Variants in SHISA9 observed in about 807,000 individuals in gnomAD.
SHISA9 encodes the protein shisa family member 9.
In SHISA9, 13 loss-of-function variants were observed where a neutral mutation model predicts 38.0. That is an observed-to-expected ratio of 0.34 (90% CI 0.22 to 0.54). SHISA9 has a LOEUF of 0.54. SHISA9 is among the 20% of genes least tolerant of loss of function. The probability of loss-of-function intolerance (pLI) is 0.91; values close to 1 mark genes in which losing one functional copy is unlikely to be tolerated. For missense variants in SHISA9, 538 were observed against 575.8 expected, an observed-to-expected ratio of 0.93 and a Z score of 0.67; for synonymous variants, 275 against 242.0, an observed-to-expected ratio of 1.14 and a Z score of -1.27.
chr16:13,347,220 G>C, the SHISA9 span, among the ~76,000 whole-genome samples: 1 of 152,100 alleles, frequency 6.6e-6, no homozygotes, highest in Non-Finnish European at 1.5e-5. Context: ...TTGAGCACGG[G>C]GTCAGGTATA....
chr16:13,027,466 T>C (rs190182718), intron 2 of SHISA9, among the ~76,000 whole-genome samples: 3 of 152,216 alleles, frequency 2.0e-5, no homozygotes. Context: ...GAATTGAAAA[T>C]TATGTCCACA....
intron 2 of SHISA9, among the ~76,000 whole-genome samples, chr16:13,200,883 C>T (rs1220296763): frequency 7.4e-6 from 1 of 135,470 alleles, no homozygotes; most frequent in African/African-American, 2.9e-5. Flanking sequence ...GTATCTCTGC[C>T]TGTTTCCATT....
At chr16:13,114,098 C>G (rs181738175) in intron 2 of SHISA9, among the ~76,000 whole-genome samples, 1 of 152,262 alleles carries the variant, frequency 6.6e-6, no homozygotes, top group Admixed American at 6.5e-5. Context: ...TTAGCAAACT[C>G]ACAATATTGA....
chr16:12,911,161 T>C (rs1287642354), intron 1 of SHISA9: 2 of 710,240 alleles, frequency 2.8e-6, no homozygotes, highest in Non-Finnish European at 3.5e-6. Context: ...AGCATTTTTA[T>C]CTTCTGGGAG....
intron 4 of SHISA9, among the ~76,000 whole-genome samples, chr16:13,218,507 G>A (rs1008503251): frequency 1.6e-4 from 24 of 152,270 alleles, no homozygotes; most frequent in African/African-American, 5.1e-4. Context: ...ACAGCTGGAC[G>A]GTAACAGCAT....
intron 2 of SHISA9, among the ~76,000 whole-genome samples, chr16:13,036,369 A>G (rs565710287): frequency 6.6e-6 from 1 of 152,380 alleles, no homozygotes; most frequent in South Asian, 2.1e-4. Flanking sequence ...GAAGGCAGAT[A>G]TAAAATAGTT....
At chr16:13,295,627 G>T in the SHISA9 span, among the ~76,000 whole-genome samples, 1 of 152,122 alleles carries the variant, frequency 6.6e-6, no homozygotes, top group Non-Finnish European at 1.5e-5. Context: ...TTTCACCTCG[G>T]GGGGTTCAAT....
intron 2 of SHISA9, among the ~76,000 whole-genome samples, chr16:13,049,202 G>GTA (rs1370037641): frequency 7.0e-6 from 1 of 141,940 alleles, no homozygotes. Flanking sequence ...GTGTGTGTGT[G>GTA]TGTATGTGTA....
At chr16:13,555,070 A>T in the SHISA9 span, among the ~76,000 whole-genome samples, 1 of 152,358 alleles carries the variant, frequency 6.6e-6, no homozygotes, top group East Asian at 1.9e-4. Context: ...TTTCTGGTAT[A>T]TAATTAGTAT....
chr16:13,066,189 C>T (rs906966701), intron 2 of SHISA9, among the ~76,000 whole-genome samples: 1 of 152,148 alleles, frequency 6.6e-6, no homozygotes, highest in African/African-American at 2.4e-5. Context: ...GCACTTTTCT[C>T]GGCCTGGGTC....
intron 2 of SHISA9, among the ~76,000 whole-genome samples, chr16:12,969,669 C>T (rs1177371656): frequency 1.3e-5 from 2 of 152,126 alleles, no homozygotes; most frequent in Non-Finnish European, 2.9e-5. Context: ...ATTGCTTGAA[C>T]CCGGGAGGCG....
the SHISA9 span, among the ~76,000 whole-genome samples, chr16:13,353,194 G>C: frequency 6.6e-6 from 1 of 152,282 alleles, no homozygotes; most frequent in East Asian, 1.9e-4. Context: ...AGGAGATCTT[G>C]TGGTAAGGGG....
At chr16:13,135,848 C>A (rs571116972) in intron 2 of SHISA9, among the ~76,000 whole-genome samples, 43 of 152,136 alleles carry the variant, frequency 2.8e-4, no homozygotes, top group Non-Finnish European at 4.7e-4. Context: ...TTTCATCTGG[C>A]AAAAACACCA....
At position 12,905,229 on chromosome 16, in the gene SHISA9, T is replaced by C. The variant is rs1456768722; in HGVS notation, c.563+2602T>C. Among the ~76,000 whole-genome samples, 5 of 152,098 alleles carry C rather than the reference T, an allele frequency of 3.3e-5. No homozygotes were observed. The East Asian group carries it at 9.6e-4, about 29-fold the overall frequency. On this transcript the variant is annotated intron_variant, in intron 1 of 4. Transcript: ENST00000558583. ...TAATATTCACATACATGCAAGAAAA[T>C]CATGGCTCAGGTGAGGTGCTGTGTC...
At position 12,970,418 on chromosome 16, in the gene SHISA9, C is replaced by CACATATATATAT. The variant is rs2072054428; in HGVS notation, c.691+53611_691+53612insATATACATATAT. Among the ~76,000 whole-genome samples, 2 of 9,586 alleles carry CACATATATATAT rather than the reference C, an allele frequency of 2.1e-4. 1 individual carries two copies. The highest frequency in any genetic ancestry group is 4.3e-4 in the Non-Finnish European group (2 of 4,644). The allele number at this position is 9,586 out of a possible 152,430, so 6.3% of individuals were successfully genotyped here. A position where few individuals can be genotyped will look rare whatever the true frequency, so the allele number is the denominator to read the frequency against. On this transcript the variant is annotated intron_variant, in intron 2 of 4. Coordinates refer to ENST00000558583, the MANE Select transcript of SHISA9 (RefSeq NM_001145204.3). Reference sequence around the variant, plus strand: ...ATATATATATACATATATATATATACACATATATGTATATATATATACACA... The same window carrying CACATATATATAT: ...ATATATATATACATATATATATATACACATATATATATACATATATGTATATATATATACACA...
intron 2 of SHISA9, among the ~76,000 whole-genome samples, chr16:13,181,631 A>G (rs1242992013): frequency 3.3e-5 from 5 of 152,000 alleles, no homozygotes; most frequent in African/African-American, 4.8e-5. Context: ...ATGATGTCAT[A>G]GCTCGTGTGT....
At chr16:13,332,280 C>G in the SHISA9 span, among the ~76,000 whole-genome samples, 1 of 152,184 alleles carries the variant, frequency 6.6e-6, no homozygotes, top group Non-Finnish European at 1.5e-5. Context: ...ACCAGGAAAT[C>G]AGGACAAGTT....
chr16:13,094,857 C>G (rs757709698), intron 2 of SHISA9, among the ~76,000 whole-genome samples: 9 of 152,126 alleles, frequency 5.9e-5, no homozygotes, highest in Non-Finnish European at 1.2e-4. Flanking sequence ...CTCTCTGAGT[C>G]CTGGTTTACT....
At chr16:13,025,237 A>T (rs1406195323) in intron 2 of SHISA9, among the ~76,000 whole-genome samples, 2 of 152,122 alleles carry the variant, frequency 1.3e-5, no homozygotes, top group African/African-American at 4.8e-5. Context: ...ATCTTTCTAG[A>T]CCAGTAATTT....
Sources: allele counts gnomAD v4.1 joint callset (sites outside exome capture counted in the v4.1 genomes callset), GRCh38; gene constraint gnomAD v4.1.1; transcripts MANE v1.5; gene names NCBI Gene and HGNC (gene_info 2026-07-23, HGNC 2026-07-21).